IRAK3: variants seen among roughly 807,000 people sequenced by gnomAD.
IRAK3 encodes the protein interleukin-1 receptor-associated kinase 3.
A neutral mutation model predicts 56.6 loss-of-function variants in IRAK3; 57 were observed. The observed-to-expected ratio is 1.01, with a 90% confidence interval of 0.81 to 1.26. The LOEUF is 1.26. IRAK3 is among the 50% of genes most tolerant of loss of function. The probability of loss-of-function intolerance (pLI) is 0.00; values close to 1 mark genes in which losing one functional copy is unlikely to be tolerated. For missense variants in IRAK3, 703 were observed against 719.0 expected (o/e 0.98, Z 0.25); for synonymous variants, 258 against 255.7 (o/e 1.01, Z -0.09).
chr12:66,196,479 A>T (rs2052454459), intron 1 of IRAK3, among the ~76,000 whole-genome samples: 1 of 152,170 alleles, frequency 6.6e-6, no homozygotes, highest in East Asian at 1.9e-4. Context: ...GAAATTACAT[A>T]GCTTCTGACT....
intron 2 of IRAK3, among the ~76,000 whole-genome samples, chr12:66,206,385 T>C (rs2052558407): frequency 1.3e-5 from 2 of 152,186 alleles, no homozygotes; most frequent in African/African-American, 4.8e-5. Context: ...AGATGGCCCT[T>C]ATCATATTGA....
At chr12:66,206,561 T>C (rs2052559997) in intron 2 of IRAK3, among the ~76,000 whole-genome samples, 1 of 152,260 alleles carries the variant, frequency 6.6e-6, no homozygotes, top group Non-Finnish European at 1.5e-5. Flanking sequence ...CTTGGATTCC[T>C]GGGATAAATC....
chr12:66,206,180 G>A (rs1023490752), intron 2 of IRAK3, among the ~76,000 whole-genome samples: 1 of 152,054 alleles, frequency 6.6e-6, no homozygotes, highest in Non-Finnish European at 1.5e-5. Context: ...TGCCCATACA[G>A]CCCCCAGATT....
At chr12:66,197,045 C>G in intron 1 of IRAK3, 1 of 1,527,266 alleles carries the variant, frequency 6.5e-7, no homozygotes, top group Non-Finnish European at 8.7e-7. Context: ...CAACTGAAAA[C>G]AGTCAGTCCT....
intron 8 of IRAK3, among the ~76,000 whole-genome samples, chr12:66,236,998 G>A (rs949304810): frequency 2.0e-5 from 3 of 151,990 alleles, no homozygotes; most frequent in Non-Finnish European, 2.9e-5. Flanking sequence ...CCACCCTAGC[G>A]ATCTCGTTGT....
At chr12:66,193,439 T>C (rs1319399446) in intron 1 of IRAK3, among the ~76,000 whole-genome samples, 2 of 152,230 alleles carry the variant, frequency 1.3e-5, no homozygotes, top group Admixed American at 6.5e-5. Context: ...ACATCTTGCA[T>C]GAGTGTGCTG....
Position 66,248,837 on chromosome 12 carries a change from G to C in IRAK3, c.*666G>C, listed in dbSNP as rs1476587821. The C allele has an allele frequency of 6.6e-6, 1 of 152,178 alleles. No homozygotes were observed. Among genetic ancestry groups the C allele is most frequent in the African/African-American group, 2.4e-5 (1 of 41,432 alleles). The allele number at this position is 152,178 out of a possible 1,614,324, so 9.4% of individuals were successfully genotyped here. A position where few individuals can be genotyped will look rare whatever the true frequency, so the allele number is the denominator to read the frequency against. Reference sequence around the variant, plus strand: ...CTATTATTACAGCTTTTTAAAAACAGACTTAGTGACCTATTATATCTTAAG... The same window carrying C: ...CTATTATTACAGCTTTTTAAAAACACACTTAGTGACCTATTATATCTTAAG... On this transcript the variant is annotated 3_prime_UTR_variant, in exon 12 of 12. Transcript: ENST00000261233.
At chr12:66,231,299 G>A (rs1218083199) in intron 8 of IRAK3, among the ~76,000 whole-genome samples, 2 of 152,078 alleles carry the variant, frequency 1.3e-5, no homozygotes, top group South Asian at 2.1e-4. Context: ...ATTACGTGAA[G>A]CCAGGAGTTC....
intron 6 of IRAK3, among the ~76,000 whole-genome samples, chr12:66,217,701 A>G (rs982269652): frequency 2.0e-5 from 3 of 152,184 alleles, no homozygotes; most frequent in South Asian, 2.1e-4. Context: ...ACAAATTGAA[A>G]TGACTTCGTT....
Position 66,198,185 on chromosome 12 carries a change from C to G in IRAK3, c.134-5526C>G, listed in dbSNP as rs1293323574. On this transcript the variant is annotated intron_variant, in intron 1 of 11. Transcript: ENST00000261233. ...CCTTCTCAGAAATCTGAATTGGTCCCATTGCTTTCAGAATGAAGTTAAGTT... is the reference window on the plus strand; with the variant it reads ...CCTTCTCAGAAATCTGAATTGGTCCGATTGCTTTCAGAATGAAGTTAAGTT... The G allele has an allele frequency of 3.7e-6, 3 of 808,796 alleles. No homozygotes were observed. In the African/African-American group the frequency reaches 5.6e-5, roughly 15 times the overall value. The allele number at this position is 808,796 out of a possible 1,614,324, so 50.1% of individuals were successfully genotyped here.
intron 5 of IRAK3, among the ~76,000 whole-genome samples, 176 bp downstream of exon 5, chr12:66,211,773 A>G (rs2052614577): frequency 6.6e-6 from 1 of 152,196 alleles, no homozygotes. Flanking sequence ...TCTTGCAAGA[A>G]TGAGGAAGTT....
At chr12:66,234,114 A>G in intron 8 of IRAK3, 1 of 1,614,106 alleles carries the variant, frequency 6.2e-7, no homozygotes, top group Non-Finnish European at 8.5e-7. Flanking sequence ...TGGTCATTAG[A>G]CGTCTCGACA....
chr12:66,218,909 T>A (rs1313202296), intron 6 of IRAK3, among the ~76,000 whole-genome samples: 1 of 152,148 alleles, frequency 6.6e-6, no homozygotes, highest in African/African-American at 2.4e-5. Flanking sequence ...CACATATAAG[T>A]GAGATCATGC....
In IRAK3 at chr12:66,211,597, G is replaced by C. The variant is rs1481936399; in HGVS notation, c.588G>C (p.Gln196His). 1 of 1,607,368 alleles carries C rather than the reference G, an allele frequency of 6.2e-7. No individual in the cohort carries two copies. The highest frequency in any genetic ancestry group is 1.3e-5 in the African/African-American group (1 of 74,742). The stretch of plus-strand genomic sequence containing the variant: ...CATATGCTGTCAAATTATTTAAACA[G>C]GTATGGAAAGAATTACTGTCACAGG... ...NLTYAVKLFKQEKKMQCKKHW... is the reference protein window; with the variant it reads ...NLTYAVKLFKHEKKMQCKKHW... Residue 196 changes from glutamine (Q) to histidine (H), a missense_variant and splice_region_variant, in exon 5 of 12, where the codon CAG becomes CAC. Coordinates refer to ENST00000261233, the MANE Select transcript of IRAK3 (RefSeq NM_007199.3).
intron 7 of IRAK3, 42 bp downstream of exon 7, chr12:66,226,879 G>A (rs1184677249): frequency 1.7e-6 from 2 of 1,178,872 alleles, no homozygotes; most frequent in African/African-American, 3.0e-5. Flanking sequence ...CTGACCCCTT[G>A]AATCCCTGGG....
chr12:66,220,514 C>CTTCTTTTTTTTTTT (rs767977181), intron 6 of IRAK3, among the ~76,000 whole-genome samples: 19 of 67,308 alleles, frequency 2.8e-4, no homozygotes, highest in East Asian at 3.8e-4. Flanking sequence ...GTTCTTCTTT[C>CTTCTTTTTTTTTTT]TTTTTTTTTT....
chr12:66,241,524 A>T (rs1152916), intron 8 of IRAK3, among the ~76,000 whole-genome samples: 60,389 of 152,086 alleles, frequency 0.4, 14,615 homozygotes, highest in Non-Finnish European at 0.52. Flanking sequence ...TTAAGGTTGA[A>T]GCAGGGGAAA....
chr12:66,214,077 A>T (rs2052640366), intron 5 of IRAK3, among the ~76,000 whole-genome samples: 1 of 152,118 alleles, frequency 6.6e-6, no homozygotes, highest in Non-Finnish European at 1.5e-5. Context: ...TGTAGGGAAG[A>T]TGGTGAGAAG....
At chr12:66,233,896 C>G (rs1250600722) in intron 8 of IRAK3, among the ~76,000 whole-genome samples, 1 of 149,430 alleles carries the variant, frequency 6.7e-6, no homozygotes, top group Non-Finnish European at 1.5e-5. Flanking sequence ...GGTTTTTATG[C>G]ACCTTATAGA....
Sources: allele counts gnomAD v4.1 joint callset (sites outside exome capture counted in the v4.1 genomes callset), GRCh38; gene constraint gnomAD v4.1.1; transcripts MANE v1.5; gene names NCBI Gene and HGNC (gene_info 2026-07-23, HGNC 2026-07-21).